ARHGAP44: variants seen among roughly 807,000 people sequenced by gnomAD.
ARHGAP44 encodes the protein Rho GTPase activating protein 44.
ARHGAP44 carries 43 observed loss-of-function variants against 106.8 expected under a neutral mutation model. That is an observed-to-expected ratio of 0.40 (90% CI 0.32 to 0.52). The LOEUF (loss-of-function observed/expected upper bound fraction) is 0.52. ARHGAP44 is among the 20% of genes least tolerant of loss of function. The pLI is 0.48. For synonymous variants in ARHGAP44, 439 were observed against 410.3 expected (o/e 1.07, Z -0.85); for missense variants, 866 against 1,050.5 (o/e 0.82, Z 2.43).
chr17:12,856,921 A>G (rs1351897688), intron 1 of ARHGAP44, among the ~76,000 whole-genome samples: 1 of 152,166 alleles, frequency 6.6e-6, no homozygotes, highest in Non-Finnish European at 1.5e-5. Flanking sequence ...CCTTTCCCAC[A>G]TTTTGAGATT....
At chr17:12,953,634 A>G (rs1454375984) in intron 13 of ARHGAP44, among the ~76,000 whole-genome samples, 1 of 152,242 alleles carries the variant, frequency 6.6e-6, no homozygotes. Context: ...CCGTCTACAG[A>G]TAAGTGGATA....
chr17:12,974,415 C>T (rs1448849110), intron 18 of ARHGAP44, 105 bp downstream of exon 18: 5 of 974,904 alleles, frequency 5.1e-6, no homozygotes, highest in Admixed American at 4.2e-5. Context: ...CCCATGCCCC[C>T]GCCCCCATTT....
intron 5 of ARHGAP44, among the ~76,000 whole-genome samples, chr17:12,918,582 T>C (rs1463984814): frequency 1.3e-5 from 2 of 152,220 alleles, no homozygotes; most frequent in Non-Finnish European, 2.9e-5. Flanking sequence ...ATGATGGCAA[T>C]GTTTATTCAT....
At chr17:12,826,079 A>C in intron 1 of ARHGAP44, among the ~76,000 whole-genome samples, 1 of 152,158 alleles carries the variant, frequency 6.6e-6, no homozygotes, top group Non-Finnish European at 1.5e-5. Context: ...TTTAAAAAAT[A>C]ATTTTAAACT....
chr17:12,790,033 C>A, intron 1 of ARHGAP44, 142 bp downstream of exon 1: 7 of 748,202 alleles, frequency 9.4e-6, no homozygotes, highest in Non-Finnish European at 1.4e-5. Flanking sequence ...AGGCGCCGCT[C>A]GCAGGCGCGA....
chr17:12,966,929 C>T (rs748202817), intron 16 of ARHGAP44, among the ~76,000 whole-genome samples: 2 of 152,138 alleles, frequency 1.3e-5, no homozygotes, highest in African/African-American at 2.4e-5. Flanking sequence ...CTAGAATGGT[C>T]CACAGCAAAA....
chr17:12,837,683 G>A (rs749177195), intron 1 of ARHGAP44, among the ~76,000 whole-genome samples: 3 of 152,056 alleles, frequency 2.0e-5, no homozygotes, highest in Admixed American at 6.5e-5. Context: ...AGGCTTTGAC[G>A]AGGGTTAACA....
Position 12,949,700 on chromosome 17 carries a change from A to C in ARHGAP44, c.1025A>C (p.Glu342Ala), listed in dbSNP as rs746129971. 8 of 1,613,556 alleles carry C rather than the reference A, an allele frequency of 5.0e-6. No individual in the cohort carries two copies. In the South Asian group the frequency reaches 8.8e-5, roughly 18 times the overall value. ...TTGCCAGAACCTCTTATGACCTTTG[A>C]ACTCTATGATGAGTGGATCCAGGCT... ...RELPEPLMTF[E>A]LYDEWIQASN... is the part of the protein sequence containing the mutation. Residue 342 changes from glutamate to alanine, a missense_variant, in exon 12 of 21, where the codon GAA becomes GCA. Transcript: ENST00000379672. The surrounding 1 kb of genome is among the most constrained non-coding windows in gnomAD (Gnocchi z 4.1).
At chr17:12,877,241 G>T (rs1233540482) in intron 1 of ARHGAP44, among the ~76,000 whole-genome samples, 1 of 152,168 alleles carries the variant, frequency 6.6e-6, no homozygotes, top group Non-Finnish European at 1.5e-5. Flanking sequence ...TACTAAAGAT[G>T]TTTTGAAAAC....
intron 7 of ARHGAP44, among the ~76,000 whole-genome samples, chr17:12,930,681 A>G (rs938454574): frequency 3.9e-5 from 6 of 152,244 alleles, no homozygotes; most frequent in Admixed American, 2.0e-4. Context: ...GATCAGGATA[A>G]AAGTTCAGTA....
chr17:12,889,808 AC>A (rs761776356), intron 1 of ARHGAP44, among the ~76,000 whole-genome samples: 4 of 152,170 alleles, frequency 2.6e-5, no homozygotes, highest in African/African-American at 7.2e-5. Context: ...CAAGTAATCT[AC>A]CTTAAAATGC....
At chr17:12,860,723 C>T (rs2036045226) in intron 1 of ARHGAP44, among the ~76,000 whole-genome samples, 1 of 152,112 alleles carries the variant, frequency 6.6e-6, no homozygotes, top group Admixed American at 6.6e-5. Flanking sequence ...ACTCTTGAGC[C>T]GTGTGGTGTA....
At chr17:12,857,236 G>A (rs923517466) in intron 1 of ARHGAP44, among the ~76,000 whole-genome samples, 1 of 152,120 alleles carries the variant, frequency 6.6e-6, no homozygotes, top group Non-Finnish European at 1.5e-5. Context: ...GTCTGCGTTA[G>A]TTCATTTTCT....
intron 7 of ARHGAP44, among the ~76,000 whole-genome samples, chr17:12,935,960 T>C (rs1047880566): frequency 4.6e-5 from 7 of 152,220 alleles, no homozygotes; most frequent in Admixed American, 6.5e-5. Context: ...CTCAAATCTG[T>C]GATTCTGAAA....
intron 1 of ARHGAP44, 30 bp downstream of exon 1, chr17:12,789,921 G>A: frequency 6.7e-7 from 1 of 1,501,328 alleles, no homozygotes; most frequent in Non-Finnish European, 8.9e-7. Flanking sequence ...CGCTGTCGGT[G>A]CGCGCCCGCG....
At chr17:12,909,694 C>T (rs900508557) in intron 4 of ARHGAP44, among the ~76,000 whole-genome samples, 3 of 151,914 alleles carry the variant, frequency 2.0e-5, no homozygotes. Context: ...AACTGAGAAA[C>T]ATGGGTGATA....
chr17:12,977,651 G>A (rs149697335), intron 18 of ARHGAP44, among the ~76,000 whole-genome samples: 26 of 152,242 alleles, frequency 1.7e-4, no homozygotes, highest in African/African-American at 4.6e-4. Flanking sequence ...CCTAGTAGCC[G>A]CCCTACGCCC....
intron 1 of ARHGAP44, among the ~76,000 whole-genome samples, chr17:12,878,378 A>G (rs2150894646): frequency 6.6e-6 from 1 of 152,242 alleles, no homozygotes; most frequent in Admixed American, 6.5e-5. Flanking sequence ...TCATAAGTGG[A>G]ACAGTGCACA....
intron 1 of ARHGAP44, among the ~76,000 whole-genome samples, chr17:12,832,751 G>A (rs1196406242): frequency 6.6e-6 from 1 of 152,158 alleles, no homozygotes; most frequent in African/African-American, 2.4e-5. Context: ...TATAATTTTT[G>A]CAAAGTCAGT....
Sources: gnomAD v4.1 joint callset for allele counts (sites outside exome capture counted in the v4.1 genomes callset) on GRCh38, gnomAD v4.1.1 for gene constraint, Gnocchi (gnomAD v3.1) non-coding constraint, MANE v1.5 for transcripts, NCBI Gene and HGNC (gene_info 2026-07-23, HGNC 2026-07-21) for gene names.